Variants in MRPS6 observed in about 807,000 individuals in gnomAD.
The protein encoded by MRPS6 is small ribosomal subunit protein bS6m.
In MRPS6, 6 loss-of-function variants were observed where a neutral mutation model predicts 13.1. The ratio of observed to expected loss-of-function variants is 0.46; its 90% CI spans 0.25 to 0.91. The LOEUF (loss-of-function observed/expected upper bound fraction) is 0.91. Ranked by LOEUF, MRPS6 falls within the 40% of genes least tolerant of loss-of-function variation. The probability of loss-of-function intolerance (pLI) is 0.18; values close to 1 mark genes in which losing one functional copy is unlikely to be tolerated. For synonymous variants in MRPS6, 61 were observed against 56.5 expected (o/e 1.08, Z -0.36); for missense variants, 164 against 155.6 (o/e 1.05, Z -0.29).
intron 1 of MRPS6, chr21:34,102,772 C>T (rs1338772396): frequency 1.0e-6 from 1 of 999,898 alleles, no homozygotes; most frequent in Non-Finnish European, 1.2e-6. Flanking sequence ...TGCTCTATAC[C>T]ACTGAAAAGC....
chr21:34,139,514 T>A (rs1428224395), intron 2 of MRPS6, among the ~76,000 whole-genome samples: 4 of 152,316 alleles, frequency 2.6e-5, no homozygotes, highest in Middle Eastern at 6.8e-3. Context: ...TTATCTGTAC[T>A]TCTTGAGTGA....
At chr21:34,137,826 G>GCTTTC (rs917062283) in intron 2 of MRPS6, among the ~76,000 whole-genome samples, 1 of 151,518 alleles carries the variant, frequency 6.6e-6, no homozygotes, top group African/African-American at 2.4e-5. Context: ...TTTGTTAAAT[G>GCTTTC]CTTTCATTTG....
intron 1 of MRPS6, chr21:34,100,826 C>T (rs570018642): frequency 9.7e-5 from 97 of 1,000,034 alleles, no homozygotes; most frequent in Non-Finnish European, 8.9e-5. Context: ...TTTGGTGTGG[C>T]CTGTGGGTTA....
intron 2 of MRPS6, among the ~76,000 whole-genome samples, chr21:34,132,114 G>T (rs183818757): frequency 6.6e-6 from 1 of 152,348 alleles, no homozygotes; most frequent in East Asian, 1.9e-4. Flanking sequence ...GGCAGAGATT[G>T]ACTTTATCCT....
chr21:34,136,014 C>A, intron 2 of MRPS6: 1 of 285,098 alleles, frequency 3.5e-6, no homozygotes, highest in South Asian at 4.7e-5. Flanking sequence ...GTCCACTTCC[C>A]AAAGAGCTTG....
At chr21:34,139,805 T>C (rs916396533) in intron 2 of MRPS6, among the ~76,000 whole-genome samples, 4 of 152,210 alleles carry the variant, frequency 2.6e-5, no homozygotes, top group African/African-American at 9.6e-5. Flanking sequence ...CTCAGACTCC[T>C]GGTGTCAACT....
chr21:34,073,812 C>T lies in MRPS6; in HGVS notation c.45+67C>T, dbSNP rs1569410421. 27 of 1,234,896 alleles carry T rather than the reference C, an allele frequency of 2.2e-5. No homozygotes were observed. In the South Asian group the frequency reaches 4.0e-4, roughly 18 times the overall value. 76.5% of individuals were successfully genotyped at this position (1,234,896 alleles called of 1,614,324 possible). A position where few individuals can be genotyped will look rare whatever the true frequency, so the allele number is the denominator to read the frequency against. On this transcript the variant is annotated intron_variant, in intron 1 of 2. Transcript: ENST00000399312. ...CCCCCGCTGCCGCTAGGCCGCCGTC[C>T]CCCGCGCGCCCTGGCCGCGGGACCC... is the stretch of plus-strand genomic sequence containing the variant.
At chr21:34,129,359 T>A (rs564744158) in intron 2 of MRPS6, among the ~76,000 whole-genome samples, 1 of 152,186 alleles carries the variant, frequency 6.6e-6, no homozygotes, top group South Asian at 2.1e-4. Flanking sequence ...CTTGTGCTGC[T>A]TTGTAAAAGG....
intron 2 of MRPS6, among the ~76,000 whole-genome samples, chr21:34,127,214 T>C (rs1285862236): frequency 6.6e-6 from 1 of 152,252 alleles, no homozygotes; most frequent in Non-Finnish European, 1.5e-5. Context: ...ATGTGTATTA[T>C]ATATAGACAC....
chr21:34,117,831 T>C (rs1979979884), intron 1 of MRPS6, among the ~76,000 whole-genome samples: 1 of 152,128 alleles, frequency 6.6e-6, no homozygotes, highest in Non-Finnish European at 1.5e-5. Flanking sequence ...CTTGTGCCAT[T>C]TAAGTTATTT....
intron 1 of MRPS6, among the ~76,000 whole-genome samples, chr21:34,093,649 T>C (rs1978822310): frequency 1.3e-5 from 2 of 152,126 alleles, no homozygotes; most frequent in African/African-American, 4.8e-5. Context: ...AGAAATCATT[T>C]AGAAGTTAAT....
chr21:34,113,009 G>C (rs1039148397), intron 1 of MRPS6, among the ~76,000 whole-genome samples: 14 of 151,710 alleles, frequency 9.2e-5, no homozygotes, highest in East Asian at 3.9e-4. Context: ...ACAAACAAAT[G>C]AACAACAACA....
chr21:34,127,428 G>A (rs571603303), intron 2 of MRPS6, among the ~76,000 whole-genome samples: 3 of 152,346 alleles, frequency 2.0e-5, no homozygotes, highest in Admixed American at 6.5e-5. Flanking sequence ...TTACATGATC[G>A]AATTCCTTCT....
intron 2 of MRPS6, among the ~76,000 whole-genome samples, chr21:34,137,605 T>C (rs1476550797): frequency 6.6e-6 from 1 of 152,204 alleles, no homozygotes; most frequent in African/African-American, 2.4e-5. Flanking sequence ...CTTACTGCAC[T>C]GGCTAGAACC....
chr21:34,104,824 C>T, intron 1 of MRPS6: 3 of 999,896 alleles, frequency 3.0e-6, no homozygotes, highest in South Asian at 9.4e-5. Flanking sequence ...TGTTCTGTAC[C>T]TTTACATGTT....
rs373895797 is a variant in MRPS6, at chr21:34,118,557, CTTTTTTT to C, written c.46-6773_46-6767del. 8.6e-4 allele frequency among the ~76,000 whole-genome samples: 115 copies of C among 133,162 alleles called. 1 individual carries two copies. Among genetic ancestry groups the C allele is most frequent in the Non-Finnish European group, 1.3e-3 (84 of 62,266 alleles). The allele number at this position is 133,162 out of a possible 152,430, so 87.4% of individuals were successfully genotyped here. A position where few individuals can be genotyped will look rare whatever the true frequency, so the allele number is the denominator to read the frequency against. Reference sequence around the variant, plus strand: ...TTACTCCACATTTCTTTCTTTCTTTCTTTTTTTTTTTTTTTTTGAGACAGAGTCTCAG... The same window carrying C: ...TTACTCCACATTTCTTTCTTTCTTTCTTTTTTTTTTGAGACAGAGTCTCAG... On this transcript the variant is annotated intron_variant, in intron 1 of 2. Coordinates refer to ENST00000399312, the MANE Select transcript of MRPS6 (RefSeq NM_032476.4).
intron 2 of MRPS6, among the ~76,000 whole-genome samples, chr21:34,128,765 G>T (rs188708341): frequency 6.6e-6 from 1 of 152,192 alleles, no homozygotes; most frequent in Admixed American, 6.5e-5. Flanking sequence ...GGAGTCATGC[G>T]TGTTCAGCTG....
chr21:34,113,417 A>G (rs1184970454), intron 1 of MRPS6, among the ~76,000 whole-genome samples: 1 of 152,374 alleles, frequency 6.6e-6, no homozygotes, highest in Non-Finnish European at 1.5e-5. Flanking sequence ...GTGCAACAAC[A>G]TGGATGAGCC....
chr21:34,090,504 TGA>T (rs1225255803), intron 1 of MRPS6, among the ~76,000 whole-genome samples: 1 of 152,238 alleles, frequency 6.6e-6, no homozygotes, highest in Non-Finnish European at 1.5e-5. Flanking sequence ...CTAAAATGTT[TGA>T]GAGAGCTGCA....
Sources: allele counts gnomAD v4.1 joint callset (sites outside exome capture counted in the v4.1 genomes callset), GRCh38; gene constraint gnomAD v4.1.1; transcripts MANE v1.5; gene names NCBI Gene and HGNC (gene_info 2026-07-23, HGNC 2026-07-21).